KHDRBS2: variants seen among roughly 807,000 people sequenced by gnomAD.
The protein encoded by KHDRBS2 is KH RNA binding domain containing, signal transduction associated 2.
A neutral mutation model predicts 44.3 loss-of-function variants in KHDRBS2; 26 were observed. The ratio of observed to expected loss-of-function variants is 0.59; its 90% CI spans 0.43 to 0.81. KHDRBS2 has a LOEUF of 0.81. Among genes scored for constraint, KHDRBS2 ranks in the 40% least tolerant of loss-of-function variants. KHDRBS2 has a pLI of 0.00. For missense variants in KHDRBS2, 476 were observed against 433.1 expected (o/e 1.10, Z -0.88); for synonymous variants, 194 against 151.1 (o/e 1.28, Z -2.08).
At chr6:61,672,250 G>C in the KHDRBS2 span, among the ~76,000 whole-genome samples, 1 of 151,508 alleles carries the variant, frequency 6.6e-6, no homozygotes, top group African/African-American at 2.4e-5. Flanking sequence ...TATCATTGTT[G>C]GACATTTGGG....
At chr6:61,981,558 C>T (rs560021291) in intron 3 of KHDRBS2, among the ~76,000 whole-genome samples, 85 of 152,016 alleles carry the variant, frequency 5.6e-4, no homozygotes, top group African/African-American at 2.0e-3. Flanking sequence ...TGTATTGTCA[C>T]TTAAGTAAGT....
chr6:61,894,676 TG>T lies in KHDRBS2; in HGVS notation c.768del (p.Tyr256Ter). 6.2e-7 allele frequency: 1 copy of T among 1,613,290 alleles called. No individual in the cohort carries two copies. The highest frequency in any genetic ancestry group is 8.5e-7 in the Non-Finnish European group (1 of 1,179,734). On this transcript the variant is annotated frameshift_variant, in exon 6 of 9. Transcript: ENST00000281156. LOFTEE classifies it high-confidence loss of function. ...RARGAPTVPGYRAPPPPAHEA... is the reference protein window; with the variant it reads ...RARGAPTVPGXRAPPPPAHEA... ...TCATGGGCTGGAGGAGGAGGTGCCC[TG>T]TATCCTGGCACTGTTGGTGCCCCCC...
intron 2 of KHDRBS2, among the ~76,000 whole-genome samples, chr6:62,097,168 T>A (rs1800798027): frequency 6.6e-6 from 1 of 151,870 alleles, no homozygotes; most frequent in African/African-American, 2.4e-5. Context: ...ACCCGGAGAC[T>A]ATTTCATGTG....
rs187921587 is a variant in KHDRBS2 at position 62,157,567 on chromosome 6, T to C, written c.219+19618A>G. 4.9e-4 allele frequency among the ~76,000 whole-genome samples: 74 copies of C among 152,292 alleles called. 1 individual carries two copies. The highest frequency in any genetic ancestry group is 1.7e-3 in the African/African-American group (71 of 41,558). ...TCAGATGGGAACACAGGAAATGTAG[T>C]ATTGAAGTACGTACTCATTTATTTT... On this transcript the variant is annotated intron_variant, in intron 2 of 8. Coordinates refer to ENST00000281156, the MANE Select transcript of KHDRBS2 (RefSeq NM_152688.4).
Position 62,184,969 on chromosome 6 carries a change from G to T in KHDRBS2, c.92-7657C>A, listed in dbSNP as rs79182683. Among the ~76,000 whole-genome samples, 1,401 of 151,806 alleles carry T rather than the reference G, an allele frequency of 9.2e-3. 6 individuals carry two copies. Among genetic ancestry groups the T allele is most frequent in the South Asian group, 0.02 (96 of 4,808 alleles). On this transcript the variant is annotated intron_variant, in intron 1 of 8. Transcript: ENST00000281156. ...CAAAATTTCTTTGAGCTCCCTTTGC[G>T]GTTTTTGGAGTTAAATCTGGGTGCT... is the stretch of plus-strand genomic sequence containing the variant.
intron 1 of KHDRBS2, among the ~76,000 whole-genome samples, chr6:62,207,010 A>G (rs1007898508): frequency 6.6e-6 from 1 of 152,132 alleles, no homozygotes; most frequent in African/African-American, 2.4e-5. Context: ...GTGTGTGCAT[A>G]AAAACATCAC....
the KHDRBS2 span, among the ~76,000 whole-genome samples, chr6:61,632,083 C>A: frequency 1.3e-5 from 2 of 152,122 alleles, no homozygotes; most frequent in African/African-American, 4.8e-5. Context: ...TTTTGTTTAA[C>A]ATTGCTTCTG....
At chr6:61,721,285 C>A (rs1159441146) in intron 7 of KHDRBS2, among the ~76,000 whole-genome samples, 1 of 152,038 alleles carries the variant, frequency 6.6e-6, no homozygotes, top group African/African-American at 2.4e-5. Context: ...TCCATATGAA[C>A]TTTAAAGTAG....
chr6:62,029,363 C>T (rs543635767), intron 3 of KHDRBS2, among the ~76,000 whole-genome samples: 5 of 151,866 alleles, frequency 3.3e-5, no homozygotes, highest in Non-Finnish European at 7.4e-5. Context: ...ACAAAACCTT[C>T]AAACAGCTTT....
At chr6:61,669,389 C>T in the KHDRBS2 span, among the ~76,000 whole-genome samples, 1 of 150,770 alleles carries the variant, frequency 6.6e-6, no homozygotes, top group African/African-American at 2.4e-5. Flanking sequence ...TATATATAAA[C>T]ATACCTTATA....
At chr6:61,704,891 T>A (rs1322300073) in intron 7 of KHDRBS2, among the ~76,000 whole-genome samples, 11 of 151,942 alleles carry the variant, frequency 7.2e-5, no homozygotes, top group Non-Finnish European at 4.4e-5. Flanking sequence ...ACTTGGGCTT[T>A]TTTGTTAAAT....
intron 4 of KHDRBS2, among the ~76,000 whole-genome samples, chr6:61,947,548 T>C (rs1299042796): frequency 1.3e-5 from 2 of 152,090 alleles, no homozygotes; most frequent in Non-Finnish European, 2.9e-5. Flanking sequence ...GGAAATGCAG[T>C]ATCAGGTTTT....
At chr6:62,000,945 T>C (rs1778122579) in intron 3 of KHDRBS2, among the ~76,000 whole-genome samples, 1 of 152,176 alleles carries the variant, frequency 6.6e-6, no homozygotes, top group South Asian at 2.1e-4. Context: ...TTAGTTGACA[T>C]ACAAATAGTT....
intron 3 of KHDRBS2, among the ~76,000 whole-genome samples, chr6:62,042,961 T>A (rs1199680034): frequency 6.6e-6 from 1 of 152,096 alleles, no homozygotes; most frequent in Non-Finnish European, 1.5e-5. Context: ...TTAACAGAAA[T>A]GCCAAAATAC....
chr6:62,007,847 A>T (rs1779549568), intron 3 of KHDRBS2, among the ~76,000 whole-genome samples: 2 of 152,302 alleles, frequency 1.3e-5, no homozygotes, highest in South Asian at 2.1e-4. Context: ...GGCGTATTTG[A>T]TGCTGTAGAA....
rs1349604233 is a variant in KHDRBS2 at position 62,019,756 on chromosome 6, A to T, written c.336+28122T>A. On this transcript the variant is annotated intron_variant, in intron 3 of 8. Transcript: ENST00000281156. ...CATAATTTTACTTGCTTTTCTTTTT[A>T]TATCTGCTAAATCCATGGTAATGTC... is the stretch of plus-strand genomic sequence containing the variant. 2.6e-5 allele frequency among the ~76,000 whole-genome samples: 4 copies of T among 151,960 alleles called. No individual in the cohort carries two copies. The East Asian group carries it at 7.7e-4, about 29-fold the overall frequency.
At chr6:61,753,306 A>G (rs1778010418) in intron 6 of KHDRBS2, among the ~76,000 whole-genome samples, 1 of 152,154 alleles carries the variant, frequency 6.6e-6, no homozygotes, top group African/African-American at 2.4e-5. Context: ...TGAGAGAAGA[A>G]AGCTTCTTCC....
chr6:62,178,541 G>C (rs1821605715), intron 1 of KHDRBS2, among the ~76,000 whole-genome samples: 1 of 151,374 alleles, frequency 6.6e-6, no homozygotes, highest in African/African-American at 2.4e-5. Flanking sequence ...CACAGCAGAA[G>C]GCAAGCAAAA....
intron 2 of KHDRBS2, among the ~76,000 whole-genome samples, chr6:62,076,614 A>G (rs1796383658): frequency 6.6e-6 from 1 of 152,066 alleles, no homozygotes; most frequent in Non-Finnish European, 1.5e-5. Flanking sequence ...GCCAGATTAA[A>G]GGGTCTTGAT....
Sources: gnomAD v4.1 joint callset for allele counts (sites outside exome capture counted in the v4.1 genomes callset) on GRCh38, gnomAD v4.1.1 for gene constraint, MANE v1.5 for transcripts, NCBI Gene and HGNC (gene_info 2026-07-23, HGNC 2026-07-21) for gene names.